The following PDE11A variants were observed in gnomAD, a reference collection of about 807,000 sequenced individuals.
PDE11A encodes dual 3',5'-cyclic-AMP and -GMP phosphodiesterase 11A.
A neutral mutation model predicts 100.5 loss-of-function variants in PDE11A; 100 were observed. The observed-to-expected ratio is 1.00, with a 90% CI of 0.85 to 1.18. The LOEUF (loss-of-function observed/expected upper bound fraction) is 1.18. PDE11A is among the 50% of genes most tolerant of loss of function. The probability of loss-of-function intolerance (pLI) is 0.00; values close to 1 mark genes in which losing one functional copy is unlikely to be tolerated. For missense variants in PDE11A, 1,141 were observed against 1,152.6 expected (o/e 0.99, Z 0.15); for synonymous variants, 381 against 420.8 (o/e 0.91, Z 1.16).
intron 19 of PDE11A, among the ~76,000 whole-genome samples, chr2:177,638,624 T>C (rs1356074074): frequency 6.6e-6 from 1 of 152,254 alleles, no homozygotes; most frequent in Non-Finnish European, 1.5e-5. Flanking sequence ...TTAAGCCTTC[T>C]TCAGTTTTGT....
intron 2 of PDE11A, among the ~76,000 whole-genome samples, chr2:177,915,688 T>C (rs2084942425): frequency 6.6e-6 from 1 of 152,202 alleles, no homozygotes; most frequent in Non-Finnish European, 1.5e-5. Flanking sequence ...AGACATAATT[T>C]TTTGACTCAT....
At chr2:178,002,614 G>T (rs1240044581) in intron 2 of PDE11A, among the ~76,000 whole-genome samples, 1 of 152,104 alleles carries the variant, frequency 6.6e-6, no homozygotes, top group Non-Finnish European at 1.5e-5. Context: ...AAGTCGTGTG[G>T]TCGAATTGGC....
chr2:177,804,684 A>C (rs1251466046), intron 9 of PDE11A, among the ~76,000 whole-genome samples: 1 of 142,526 alleles, frequency 7.0e-6, no homozygotes, highest in Non-Finnish European at 1.5e-5. Flanking sequence ...AATGTCCATC[A>C]GTATAAGACT....
intron 19 of PDE11A, among the ~76,000 whole-genome samples, chr2:177,648,398 G>A (rs1436456986): frequency 6.6e-6 from 1 of 152,112 alleles, no homozygotes; most frequent in Non-Finnish European, 1.5e-5. Context: ...TTAGAGTGCA[G>A]TTTAAGAGGG....
At chr2:178,014,195 G>C in intron 2 of PDE11A, 107 bp downstream of exon 2, 1 of 849,704 alleles carries the variant, frequency 1.2e-6, no homozygotes, top group Non-Finnish European at 2.0e-6. Context: ...TTTGATCCAT[G>C]AATGGGCTAA....
At chr2:178,056,949 C>T (rs1438784564) in intron 1 of PDE11A, among the ~76,000 whole-genome samples, 2 of 151,936 alleles carry the variant, frequency 1.3e-5, no homozygotes, top group Non-Finnish European at 1.5e-5. Context: ...GAAGCCATTA[C>T]ACAAAAGGAA....
chr2:177,687,893 G>A (rs2080977680), intron 15 of PDE11A: 1 of 152,214 alleles, frequency 6.6e-6, no homozygotes, highest in African/African-American at 2.4e-5. Flanking sequence ...GGCAGTTACA[G>A]AAAGATTTAT....
chr2:177,804,479 T>C (rs549108149), intron 9 of PDE11A, among the ~76,000 whole-genome samples: 3 of 152,098 alleles, frequency 2.0e-5, no homozygotes, highest in Admixed American at 1.3e-4. Context: ...ATGCTGTTGA[T>C]AGGAATTAGT....
intron 10 of PDE11A, among the ~76,000 whole-genome samples, chr2:177,738,599 A>G (rs1270159707): frequency 2.0e-5 from 3 of 152,122 alleles, no homozygotes; most frequent in Non-Finnish European, 4.4e-5. Flanking sequence ...CTTAACTCAC[A>G]TGCTCGGTTG....
chr2:177,632,561 C>T (rs1042167073), intron 19 of PDE11A, among the ~76,000 whole-genome samples: 3 of 152,166 alleles, frequency 2.0e-5, no homozygotes, highest in African/African-American at 7.2e-5. Context: ...TGAGATTAGA[C>T]CTCAAATCTA....
At chr2:177,949,502 C>CCTGTTGAGCCAGGGGGAATTCAGAGATT in intron 2 of PDE11A, among the ~76,000 whole-genome samples, 1 of 152,116 alleles carries the variant, frequency 6.6e-6, no homozygotes, top group Non-Finnish European at 1.5e-5. Flanking sequence ...ATTAACCAGA[C>CCTGTTGAGCCAGGGGGAATTCAGAGATT]CTGTTGAGCC....
chr2:177,909,730 TA>T (rs2084848823), intron 2 of PDE11A, among the ~76,000 whole-genome samples: 1 of 152,182 alleles, frequency 6.6e-6, no homozygotes, highest in Admixed American at 6.5e-5. Context: ...GATATAGTTT[TA>T]TTTTTTTTCC....
Position 177,951,377 on chromosome 2 carries a change from A to C in PDE11A, c.1072-46190T>G, listed in dbSNP as rs185500056. On this transcript the variant is annotated intron_variant, in intron 2 of 19. Coordinates refer to ENST00000286063, the MANE Select transcript of PDE11A (RefSeq NM_016953.4). ...ATATGAGAATGTCTTAAATTTAATA[A>C]GTGTTTTCCATAACTTATCAATGGA... 6.8e-4 allele frequency among the ~76,000 whole-genome samples: 103 copies of C among 152,352 alleles called. 1 individual carries two copies. Among genetic ancestry groups the C allele is most frequent in the Non-Finnish European group, 6.9e-4 (47 of 68,034 alleles).
intron 2 of PDE11A, among the ~76,000 whole-genome samples, chr2:178,008,619 G>A (rs2086240166): frequency 6.6e-6 from 1 of 152,110 alleles, no homozygotes; most frequent in African/African-American, 2.4e-5. Flanking sequence ...TTAGAAATGT[G>A]AGGCTAGGAG....
chr2:177,775,603 C>T (rs959370738), intron 9 of PDE11A, among the ~76,000 whole-genome samples: 1 of 152,106 alleles, frequency 6.6e-6, no homozygotes, highest in African/African-American at 2.4e-5. Flanking sequence ...AACTAAACTT[C>T]GTGCTGCCTG....
Position 177,885,719 on chromosome 2 carries a change from C to T in PDE11A, c.1303-9796G>A, listed in dbSNP as rs115999300. 4.4e-3 allele frequency among the ~76,000 whole-genome samples: 667 copies of T among 152,228 alleles called. 2 individuals carry two copies. Among genetic ancestry groups the T allele is most frequent in the African/African-American group, 0.015 (642 of 41,524 alleles). ...GAGGGCACTGAATTACGGACTGCCCCAGAACAATCGGAGGATGCTCGCCCC... is the reference window on the plus strand; with the variant it reads ...GAGGGCACTGAATTACGGACTGCCCTAGAACAATCGGAGGATGCTCGCCCC... On this transcript the variant is annotated intron_variant, in intron 4 of 19. Coordinates refer to ENST00000286063, the MANE Select transcript of PDE11A (RefSeq NM_016953.4).
intron 2 of PDE11A, among the ~76,000 whole-genome samples, chr2:178,087,663 C>T (rs1206115725): frequency 2.0e-5 from 3 of 152,146 alleles, no homozygotes; most frequent in Non-Finnish European, 4.4e-5. Context: ...TACCCTAAAG[C>T]TCTGACTTCA....
chr2:178,082,401 T>C (rs1332402776), intron 2 of PDE11A, among the ~76,000 whole-genome samples: 1 of 152,224 alleles, frequency 6.6e-6, no homozygotes, highest in Non-Finnish European at 1.5e-5. Context: ...TAAAACCTTT[T>C]TTAAAAACCA....
chr2:177,703,912 G>GTTC (rs2081239057), intron 13 of PDE11A, among the ~76,000 whole-genome samples: 2 of 152,200 alleles, frequency 1.3e-5, no homozygotes, highest in Non-Finnish European at 2.9e-5. Flanking sequence ...CTATCTCCCA[G>GTTC]TATTTGTGCA....
Sources: allele counts gnomAD v4.1 joint callset (sites outside exome capture counted in the v4.1 genomes callset), GRCh38; gene constraint gnomAD v4.1.1; transcripts MANE v1.5; gene names NCBI Gene and HGNC (gene_info 2026-07-23, HGNC 2026-07-21).